The following PTPRC variants were observed in gnomAD, a reference collection of about 807,000 sequenced individuals.
The protein encoded by PTPRC is receptor-type tyrosine-protein phosphatase C.
In PTPRC, 44 loss-of-function variants were observed where a neutral mutation model predicts 155.9. That is an observed-to-expected ratio of 0.28 (90% CI 0.22 to 0.36). The LOEUF (loss-of-function observed/expected upper bound fraction) is 0.36. Ranked by LOEUF, PTPRC falls within the 10% of genes least tolerant of loss-of-function variation. The probability of loss-of-function intolerance (pLI) is 1.00; values close to 1 mark genes in which losing one functional copy is unlikely to be tolerated. For synonymous variants in PTPRC, 525 were observed against 533.1 expected (o/e 0.98, Z 0.21); for missense variants, 1,401 against 1,564.6 (o/e 0.90, Z 1.76).
intron 2 of PTPRC, among the ~76,000 whole-genome samples, chr1:198,641,910 C>A (rs551951794): frequency 8.5e-5 from 13 of 152,078 alleles, no homozygotes; most frequent in African/African-American, 2.7e-4. Flanking sequence ...ATGGACTGTG[C>A]CTTGCACATC....
intron 2 of PTPRC, among the ~76,000 whole-genome samples, chr1:198,642,486 T>A (rs992527597): frequency 6.6e-6 from 1 of 151,774 alleles, no homozygotes; most frequent in Non-Finnish European, 1.5e-5. Flanking sequence ...TACGTATCAT[T>A]GCCTACTATG....
intron 25 of PTPRC, 73 bp downstream of exon 25, chr1:198,742,440 G>T (rs1033340122): frequency 7.0e-6 from 11 of 1,573,292 alleles, no homozygotes; most frequent in South Asian, 5.6e-5. Context: ...TGATAATAAT[G>T]ATATTTTTTA....
At chr1:198,749,056 G>A (rs1194708370) in intron 27 of PTPRC, among the ~76,000 whole-genome samples, 16 of 151,190 alleles carry the variant, frequency 1.1e-4, no homozygotes, top group Non-Finnish European at 2.2e-4. Context: ...TATAATTGAG[G>A]GAAAAAATCT....
chr1:198,751,654 T>C (rs989189470), intron 29 of PTPRC, among the ~76,000 whole-genome samples: 43 of 152,076 alleles, frequency 2.8e-4, no homozygotes, highest in Non-Finnish European at 1.2e-4. Context: ...CTCCCTGTCT[T>C]TGTCAGAAAT....
Position 198,639,358 on chromosome 1 carries a change from T to C in PTPRC, c.73+17T>C, listed in dbSNP as rs1662448989. ...TTGTGACAGGTAAGTACAAGGATAT[T>C]AATATTTTTTAAATTATTTTTTCTC... On this transcript the variant is annotated intron_variant, in intron 2 of 32. Coordinates refer to ENST00000442510, the MANE Select transcript of PTPRC (RefSeq NM_002838.5). 6.5e-7 allele frequency: 1 copy of C among 1,550,200 alleles called. No homozygotes were observed. Among genetic ancestry groups the C allele is most frequent in the Middle Eastern group, 1.7e-4 (1 of 5,904 alleles).
chr1:198,728,552 A>G (rs1571875538), intron 16 of PTPRC, 104 bp downstream of exon 16: 5 of 1,410,960 alleles, frequency 3.5e-6, no homozygotes, highest in Non-Finnish European at 3.8e-6. Context: ...TATGTGAACT[A>G]GAGAGAAGAC....
At chr1:198,734,730 G>A (rs1654548301) in intron 22 of PTPRC, among the ~76,000 whole-genome samples, 1 of 151,646 alleles carries the variant, frequency 6.6e-6, no homozygotes. Context: ...AACTTCACAA[G>A]ACCTTAATAC....
chr1:198,655,742 C>T (rs921762267), intron 2 of PTPRC, among the ~76,000 whole-genome samples: 16 of 152,152 alleles, frequency 1.1e-4, no homozygotes, highest in African/African-American at 3.9e-4. Flanking sequence ...AACATTCCTG[C>T]CTCTGTAAAC....
intron 20 of PTPRC, among the ~76,000 whole-genome samples, chr1:198,733,068 A>G (rs1280472457): frequency 1.3e-5 from 2 of 151,870 alleles, no homozygotes; most frequent in Non-Finnish European, 1.5e-5. Flanking sequence ...CATTGGATTT[A>G]TGCAGAAATG....
chr1:198,645,156 T>G (rs180953901), intron 2 of PTPRC, among the ~76,000 whole-genome samples: 1 of 151,840 alleles, frequency 6.6e-6, no homozygotes, highest in African/African-American at 2.4e-5. Flanking sequence ...ACAGCTGGTA[T>G]AGCAAACTTG....
chr1:198,696,809 A>G lies in PTPRC; in HGVS notation c.198A>G (p.Glu66=). ...CACCCGCAAGCACCTTTGAAAGAGA[A>G]AATGACTTCTCAGAGACCACAACTT... ...AFSPASTFER[E]NDFSETTTSL... The change falls in exon 4 of 33, where the codon GAA becomes GAG. Residue 66 remains glutamate (E), a synonymous_variant. Coordinates refer to ENST00000442510, the MANE Select transcript of PTPRC (RefSeq NM_002838.5). 3 of 1,614,066 alleles carry G rather than the reference A, an allele frequency of 1.9e-6. No individual in the cohort carries two copies. The highest frequency in any genetic ancestry group is 2.5e-6 in the Non-Finnish European group (3 of 1,179,902).
At position 198,702,550 on chromosome 1, in the gene PTPRC, G is replaced by A; in HGVS notation, c.583+20G>A. 2 of 1,613,914 alleles carry A rather than the reference G, an allele frequency of 1.2e-6. No homozygotes were observed. Among genetic ancestry groups the A allele is most frequent in the South Asian group, 1.1e-5 (1 of 91,080 alleles). On this transcript the variant is annotated intron_variant, in intron 6 of 32. Coordinates refer to ENST00000442510, the MANE Select transcript of PTPRC (RefSeq NM_002838.5). ...CCTCAGGTCTGACTATGCTGCTCTA[G>A]TAGTGTCTTCAGTTATAGATAATGA...
intron 2 of PTPRC, among the ~76,000 whole-genome samples, chr1:198,654,255 C>G (rs1663414936): frequency 6.6e-6 from 1 of 151,656 alleles, no homozygotes; most frequent in Non-Finnish European, 1.5e-5. Context: ...GTTAAAATGT[C>G]TAGAGGTTAA....
At position 198,744,124 on chromosome 1, in the gene PTPRC, C is replaced by T; in HGVS notation, c.2768C>T (p.Ser923Phe). The T allele has an allele frequency of 1.2e-6, 2 of 1,604,616 alleles. No homozygotes were observed. The highest frequency in any genetic ancestry group is 2.2e-5 in the East Asian group (1 of 44,580). The change falls in exon 26 of 33, where the codon TCT becomes TTT. Residue 923 changes from serine (S) to phenylalanine (F), a missense_variant. Transcript: ENST00000442510. The stretch of plus-strand genomic sequence containing the variant: ...TTTGGAGAAACAGAAGTGAATTTGT[C>T]TGAATTACATCCATATCTACATAAC... The part of the protein sequence containing the change: ...NQFGETEVNL[S>F]ELHPYLHNMK...
intron 2 of PTPRC, among the ~76,000 whole-genome samples, chr1:198,640,853 C>T (rs1342162089): frequency 6.6e-6 from 1 of 151,914 alleles, no homozygotes; most frequent in Non-Finnish European, 1.5e-5. Flanking sequence ...AGGCAAACTT[C>T]CCAACCTCCT....
intron 12 of PTPRC, among the ~76,000 whole-genome samples, chr1:198,714,309 T>C (rs1424647829): frequency 6.6e-6 from 1 of 152,182 alleles, no homozygotes; most frequent in Non-Finnish European, 1.5e-5. Flanking sequence ...AGACATTTTA[T>C]GCATTTATGG....
intron 17 of PTPRC, among the ~76,000 whole-genome samples, chr1:198,731,021 T>C (rs953532171): frequency 2.6e-5 from 4 of 152,138 alleles, no homozygotes; most frequent in Admixed American, 6.6e-5. Flanking sequence ...CCATATGCAA[T>C]TGTAGCTTTT....
intron 26 of PTPRC, among the ~76,000 whole-genome samples, chr1:198,746,873 A>G (rs976731455): frequency 2.0e-5 from 3 of 151,862 alleles, no homozygotes; most frequent in Non-Finnish European, 2.9e-5. Context: ...GTGGTGTTCA[A>G]GTGGCCTAAA....
intron 11 of PTPRC, among the ~76,000 whole-genome samples, chr1:198,710,510 G>A (rs942184881): frequency 6.6e-6 from 1 of 152,120 alleles, no homozygotes; most frequent in Non-Finnish European, 1.5e-5. Flanking sequence ...TGAATCTGTG[G>A]ATAAATTTGG....
Sources: gnomAD v4.1 joint callset for allele counts (sites outside exome capture counted in the v4.1 genomes callset) on GRCh38, gnomAD v4.1.1 for gene constraint, MANE v1.5 for transcripts, NCBI Gene and HGNC (gene_info 2026-07-23, HGNC 2026-07-21) for gene names.